Variants in INPP4B observed in about 807,000 individuals in gnomAD.
INPP4B encodes inositol polyphosphate-4-phosphatase type II B, also known as inositol polyphosphate 4-phosphatase type II.
Under a neutral mutation model 122.5 loss-of-function variants are expected in INPP4B, and 55 were observed. The ratio of observed to expected loss-of-function variants is 0.45; its 90% confidence interval spans 0.36 to 0.56. INPP4B has a LOEUF of 0.56. Ranked by LOEUF, INPP4B falls within the 20% of genes least tolerant of loss-of-function variation. The probability of loss-of-function intolerance (pLI) is 0.00; values close to 1 mark genes in which losing one functional copy is unlikely to be tolerated. For missense variants in INPP4B, 1,000 were observed against 1,097.7 expected (o/e 0.91, Z 1.26); for synonymous variants, 403 against 388.7 (o/e 1.04, Z -0.43).
chr4:142,118,404 C>T (rs1235667934), intron 21 of INPP4B, among the ~76,000 whole-genome samples: 2 of 152,080 alleles, frequency 1.3e-5, no homozygotes, highest in Non-Finnish European at 2.9e-5. Context: ...TACTACAAGG[C>T]TACAGTAACC....
intron 14 of INPP4B, among the ~76,000 whole-genome samples, chr4:142,194,432 T>C (rs1837312776): frequency 6.6e-6 from 1 of 152,184 alleles, no homozygotes; most frequent in Admixed American, 6.5e-5. Flanking sequence ...CAAGAATGTT[T>C]GTTAATTACA....
At position 142,396,874 on chromosome 4, in the gene INPP4B, A is replaced by G. The variant is rs567985733; in HGVS notation, c.372+6064T>C. Among the ~76,000 whole-genome samples, 6 of 152,270 alleles carry G rather than the reference A, an allele frequency of 3.9e-5. No homozygotes were observed. The South Asian group carries it at 1.2e-3, about 32-fold the overall frequency. On this transcript the variant is annotated intron_variant, in intron 7 of 25. Transcript: ENST00000262992. ...CAAAACTATAAGATTTCATTCATAT[A>G]AATTTCAACAGCAAACAAAACAGAT...
chr4:142,781,030 A>G (rs1304050034), intron 1 of INPP4B, among the ~76,000 whole-genome samples: 1 of 152,204 alleles, frequency 6.6e-6, no homozygotes, highest in Non-Finnish European at 1.5e-5. Flanking sequence ...TTTGTGAGCT[A>G]AAAAGTGCTA....
chr4:142,814,639 C>G (rs1285858895), intron 1 of INPP4B, among the ~76,000 whole-genome samples: 2 of 151,972 alleles, frequency 1.3e-5, no homozygotes, highest in Non-Finnish European at 2.9e-5. Context: ...AACTCAGGAG[C>G]AACTGAAAGA....
chr4:142,308,301 A>G (rs1227260737), intron 8 of INPP4B, among the ~76,000 whole-genome samples: 2 of 152,262 alleles, frequency 1.3e-5, no homozygotes, highest in Non-Finnish European at 2.9e-5. Context: ...TCATACCATT[A>G]CATTTCGTAA....
chr4:142,086,602 A>G (rs1776915838), intron 23 of INPP4B, among the ~76,000 whole-genome samples: 1 of 152,156 alleles, frequency 6.6e-6, no homozygotes, highest in African/African-American at 2.4e-5. Context: ...CAAACTGCCT[A>G]TCTTGGCCTC....
At chr4:142,273,289 C>T (rs1041551590) in intron 9 of INPP4B, among the ~76,000 whole-genome samples, 10 of 151,788 alleles carry the variant, frequency 6.6e-5, no homozygotes, top group Admixed American at 3.3e-4. Flanking sequence ...ACCAGAATTG[C>T]TACTTTTATT....
At chr4:142,355,030 C>T (rs908699393) in intron 7 of INPP4B, among the ~76,000 whole-genome samples, 2 of 151,890 alleles carry the variant, frequency 1.3e-5, no homozygotes, top group Non-Finnish European at 2.9e-5. Flanking sequence ...ATGCCTAGGG[C>T]CTCAGTAGGA....
chr4:142,681,649 G>T (rs1191578879), intron 2 of INPP4B, among the ~76,000 whole-genome samples: 1 of 151,778 alleles, frequency 6.6e-6, no homozygotes, highest in Admixed American at 6.6e-5. Context: ...AAACCAAAAG[G>T]TTTTCAAGGT....
intron 6 of INPP4B, 74 bp downstream of exon 6, chr4:142,405,128 GGAGA>G (rs1204863310): frequency 2.9e-6 from 2 of 689,776 alleles, no homozygotes; most frequent in Non-Finnish European, 2.5e-6. Flanking sequence ...TGGGGGGGAG[GGAGA>G]GAGAGAGCAA....
chr4:142,317,110 A>T (rs1320504323), intron 7 of INPP4B: 1 of 154,796 alleles, frequency 6.5e-6, no homozygotes, highest in African/African-American at 2.4e-5. Flanking sequence ...CTGGGTTTTG[A>T]AGGATGAGTA....
At chr4:142,730,119 T>C (rs1307122223) in intron 1 of INPP4B, among the ~76,000 whole-genome samples, 1 of 152,138 alleles carries the variant, frequency 6.6e-6, no homozygotes, top group Non-Finnish European at 1.5e-5. Context: ...CTCCATAAAA[T>C]CTTCCTTTCA....
intron 7 of INPP4B, among the ~76,000 whole-genome samples, chr4:142,385,999 C>G (rs1001063021): frequency 4.6e-5 from 7 of 152,124 alleles, no homozygotes; most frequent in Non-Finnish European, 8.8e-5. Context: ...CAACAGATCA[C>G]TAAAGCTTAT....
At position 142,734,383 on chromosome 4, in the gene INPP4B, C is replaced by T. The variant is rs543902712; in HGVS notation, c.-253-8482G>A. ...TTATGCCAGCCCTGAAAAACTAATA[C>T]ACATTTATATAAAAGTGGGAGGAAA... On this transcript the variant is annotated intron_variant, in intron 1 of 25. Coordinates refer to ENST00000262992, the MANE Select transcript of INPP4B (RefSeq NM_001101669.3). Among the ~76,000 whole-genome samples the T allele has an allele frequency of 1.8e-4, 27 of 152,298 alleles. No individual in the cohort carries two copies. The South Asian group carries it at 5.6e-3, about 32-fold the overall frequency.
chr4:142,107,961 T>C lies in INPP4B; in HGVS notation c.2374+132A>G, dbSNP rs376742398. On this transcript the variant is annotated intron_variant, in intron 23 of 25. Coordinates refer to ENST00000262992, the MANE Select transcript of INPP4B (RefSeq NM_001101669.3). ...TACCTTGGCAATCAGTCTTTTTGGA[T>C]CAGATAATTTCAAAATCACTCTCAC... is the stretch of plus-strand genomic sequence containing the variant. 16 of 577,240 alleles carry C rather than the reference T, an allele frequency of 2.8e-5. No individual in the cohort carries two copies. In the East Asian group the frequency reaches 3.1e-4, roughly 11 times the overall value. 35.8% of individuals were successfully genotyped at this position (577,240 alleles called of 1,614,324 possible). A position where few individuals can be genotyped will look rare whatever the true frequency, so the allele number is the denominator to read the frequency against.
At chr4:142,285,902 A>T (rs1753431641) in intron 9 of INPP4B, among the ~76,000 whole-genome samples, 1 of 152,166 alleles carries the variant, frequency 6.6e-6, no homozygotes, top group African/African-American at 2.4e-5. Context: ...ATTAATTTTA[A>T]AATAATATAA....
At chr4:142,698,888 C>T (rs1304344874) in intron 2 of INPP4B, among the ~76,000 whole-genome samples, 6 of 152,162 alleles carry the variant, frequency 3.9e-5, no homozygotes, top group Admixed American at 2.6e-4. Flanking sequence ...CTTTTCTCCA[C>T]TCTAGCTCAA....
intron 2 of INPP4B, among the ~76,000 whole-genome samples, chr4:142,661,550 C>T (rs952890101): frequency 3.3e-5 from 5 of 152,142 alleles, no homozygotes; most frequent in Middle Eastern, 3.2e-3. Flanking sequence ...TCTCCACCTG[C>T]AATATTGTAT....
intron 7 of INPP4B, among the ~76,000 whole-genome samples, chr4:142,398,254 TG>T (rs1468709312): frequency 5.6e-4 from 84 of 150,004 alleles, no homozygotes; most frequent in Middle Eastern, 3.2e-3. Flanking sequence ...GGCGGGCGCC[TG>T]TAGTCCCAGC....
Sources: gnomAD v4.1 joint callset for allele counts (sites outside exome capture counted in the v4.1 genomes callset) on GRCh38, gnomAD v4.1.1 for gene constraint, MANE v1.5 for transcripts, NCBI Gene and HGNC (gene_info 2026-07-23, HGNC 2026-07-21) for gene names.